ADAMTSL1: variants seen among roughly 807,000 people sequenced by gnomAD.
ADAMTSL1 encodes the protein ADAMTS like 1.
In ADAMTSL1, 126 loss-of-function variants were observed where a neutral mutation model predicts 201.8. The observed-to-expected ratio is 0.62, with a 90% CI of 0.54 to 0.72. The LOEUF is 0.72. Among genes scored for constraint, ADAMTSL1 ranks in the 30% least tolerant of loss-of-function variants. ADAMTSL1 has a pLI of 0.00. For synonymous variants in ADAMTSL1, 1,121 were observed against 903.4 expected (o/e 1.24, Z -4.32); for missense variants, 2,679 against 2,277.8 (o/e 1.18, Z -3.59).
At chr9:18,379,644 G>A (rs1837464809) in intron 2 of ADAMTSL1, among the ~76,000 whole-genome samples, 1 of 152,186 alleles carries the variant, frequency 6.6e-6, no homozygotes, top group Admixed American at 6.6e-5. Context: ...GGCTGACGAA[G>A]GCTCTCCAGG....
At chr9:18,721,086 A>G (rs527560056) in intron 14 of ADAMTSL1, among the ~76,000 whole-genome samples, 1 of 152,376 alleles carries the variant, frequency 6.6e-6, no homozygotes, top group South Asian at 2.1e-4. Context: ...CAGTTTACAG[A>G]ATTCTGGATA....
At chr9:18,579,503 T>A (rs61368541) in intron 4 of ADAMTSL1, among the ~76,000 whole-genome samples, 46,651 of 150,822 alleles carry the variant, frequency 0.31, 7,394 homozygotes, top group Admixed American at 0.36. Context: ...AATTAAAAAA[T>A]AAATAAATAA....
At chr9:18,160,491 A>G (rs144586176) in intron 1 of ADAMTSL1, among the ~76,000 whole-genome samples, 33 of 152,044 alleles carry the variant, frequency 2.2e-4, no homozygotes, top group African/African-American at 7.7e-4. Context: ...AACTAACACC[A>G]CTGAACCATA....
intron 2 of ADAMTSL1, among the ~76,000 whole-genome samples, chr9:18,444,736 A>G (rs12345456): frequency 0.026 from 3,884 of 152,248 alleles, 163 homozygotes; most frequent in African/African-American, 0.09. Context: ...AAGGGATGGC[A>G]CACAGGCAGG....
intron 1 of ADAMTSL1, among the ~76,000 whole-genome samples, chr9:17,966,268 G>A (rs79464887): frequency 0.02 from 3,101 of 152,250 alleles, 103 homozygotes; most frequent in African/African-American, 0.072. Context: ...CTATGTCAGA[G>A]TGTTAGTATA....
intron 1 of ADAMTSL1, among the ~76,000 whole-genome samples, chr9:18,486,725 G>A (rs1822016055): frequency 6.6e-6 from 1 of 152,134 alleles, no homozygotes; most frequent in Non-Finnish European, 1.5e-5. Context: ...CGGAGTGGGA[G>A]TGAAAATCCT....
intron 16 of ADAMTSL1, among the ~76,000 whole-genome samples, chr9:18,769,535 CACAG>C (rs1388919174): frequency 6.6e-6 from 1 of 152,210 alleles, no homozygotes; most frequent in African/African-American, 2.4e-5. Flanking sequence ...CTCACATAAA[CACAG>C]ACAGTCCAGA....
At chr9:18,267,782 A>AAAAAAAAAC (rs1563846246) in intron 2 of ADAMTSL1, among the ~76,000 whole-genome samples, 2 of 148,882 alleles carry the variant, frequency 1.3e-5, no homozygotes, top group Admixed American at 7.3e-5. Flanking sequence ...AAACAAAAAC[A>AAAAAAAAAC]AAAACAAAAA....
chr9:18,207,944 A>G (rs558168473), intron 2 of ADAMTSL1, among the ~76,000 whole-genome samples: 72 of 152,278 alleles, frequency 4.7e-4, no homozygotes, highest in African/African-American at 1.7e-3. Flanking sequence ...ACTGTCTTGT[A>G]TGTCAGGAGC....
At chr9:18,617,333 T>A (rs959863647) in intron 4 of ADAMTSL1, among the ~76,000 whole-genome samples, 7 of 152,222 alleles carry the variant, frequency 4.6e-5, no homozygotes, top group Non-Finnish European at 1.0e-4. Context: ...TATTTCAGTG[T>A]CTAGAGAATT....
At chr9:18,505,603 G>A (rs901516260) in intron 2 of ADAMTSL1, among the ~76,000 whole-genome samples, 8 of 152,200 alleles carry the variant, frequency 5.3e-5, no homozygotes, top group African/African-American at 1.7e-4. Context: ...TTTACTTAGA[G>A]TAATAATTTA....
chr9:18,895,347 A>T (rs1829556046), intron 26 of ADAMTSL1, among the ~76,000 whole-genome samples: 1 of 152,238 alleles, frequency 6.6e-6, no homozygotes, highest in Non-Finnish European at 1.5e-5. Flanking sequence ...TTCTACAGCA[A>T]CCAAGCAAAC....
intron 2 of ADAMTSL1, among the ~76,000 whole-genome samples, chr9:18,285,456 G>A (rs190786302): frequency 1.3e-3 from 199 of 152,158 alleles, no homozygotes; most frequent in African/African-American, 4.1e-3. Context: ...ATAGTGATCT[G>A]ACATTAATTG....
intron 16 of ADAMTSL1, among the ~76,000 whole-genome samples, chr9:18,766,644 G>A (rs1278569520): frequency 5.3e-5 from 8 of 152,148 alleles, no homozygotes; most frequent in Non-Finnish European, 7.3e-5. Flanking sequence ...TGGCAGATTC[G>A]GTGTCTAGTG....
At chr9:18,095,992 G>C (rs79080964) in intron 1 of ADAMTSL1, among the ~76,000 whole-genome samples, 3,423 of 152,196 alleles carry the variant, frequency 0.022, 115 homozygotes, top group African/African-American at 0.075. Context: ...GGTCTTGTCT[G>C]TATTGTAACT....
chr9:18,776,277 A>G (rs962681526), intron 18 of ADAMTSL1, among the ~76,000 whole-genome samples: 1 of 152,196 alleles, frequency 6.6e-6, no homozygotes, highest in Admixed American at 6.5e-5. Context: ...CAACACTTCT[A>G]GGCTGTCCTT....
chr9:18,294,677 C>G (rs1833403551), intron 2 of ADAMTSL1, among the ~76,000 whole-genome samples: 1 of 152,164 alleles, frequency 6.6e-6, no homozygotes, highest in Non-Finnish European at 1.5e-5. Context: ...AGTCTTCAGA[C>G]TCCAGAGGGG....
chr9:17,945,710 G>C (rs371657349), intron 1 of ADAMTSL1, among the ~76,000 whole-genome samples: 1 of 151,156 alleles, frequency 6.6e-6, no homozygotes, highest in African/African-American at 2.4e-5. Flanking sequence ...GTAAACTATC[G>C]CAAGAACAAA....
At chr9:18,684,959 T>G in intron 13 of ADAMTSL1, 159 bp downstream of exon 13, 1 of 1,395,782 alleles carries the variant, frequency 7.2e-7, no homozygotes, top group Non-Finnish European at 9.3e-7. Flanking sequence ...TTTCAAAAAG[T>G]GTTTGTCAAA....
Sources: allele counts gnomAD v4.1 joint callset (sites outside exome capture counted in the v4.1 genomes callset), GRCh38; gene constraint gnomAD v4.1.1; transcripts MANE v1.5; gene names NCBI Gene and HGNC (gene_info 2026-07-23, HGNC 2026-07-21).